The following RPL31 variants were observed in gnomAD, a reference collection of about 807,000 sequenced individuals.
RPL31 encodes ribosomal protein L31, also known as large ribosomal subunit protein eL31.
For missense variants in RPL31, 95 were observed against 164.0 expected, an observed-to-expected ratio of 0.58 and a Z score of 2.30; for synonymous variants, 51 against 55.0, an observed-to-expected ratio of 0.93 and a Z score of 0.32.
At chr2:101,012,982 A>G (rs1004388573) in intron 4 of RPL31, among the ~76,000 whole-genome samples, 9 of 152,242 alleles carry the variant, frequency 5.9e-5, no homozygotes, top group African/African-American at 2.2e-4. Flanking sequence ...GGCAGTCAGG[A>G]TGGAAATGGA....
At chr2:101,002,421 C>T in intron 1 of RPL31, 106 bp downstream of exon 1, 1 of 439,202 alleles carries the variant, frequency 2.3e-6, no homozygotes, top group South Asian at 2.7e-5. Context: ...CCCGGGGCTC[C>T]GGTTGTGGGG....
intron 4 of RPL31, among the ~76,000 whole-genome samples, chr2:101,016,231 AAAAC>A (rs1300081446): frequency 5.1e-4 from 77 of 152,364 alleles, no homozygotes; most frequent in Non-Finnish European, 7.3e-4. Flanking sequence ...TTACAAGAAA[AAAAC>A]AAACAACGCC....
chr2:101,002,852 T>A, intron 2 of RPL31, 44 bp downstream of exon 2: 1 of 1,436,426 alleles, frequency 7.0e-7, no homozygotes, highest in Non-Finnish European at 9.8e-7. Flanking sequence ...CTCACGCGTC[T>A]GGTTGTTACC....
At chr2:101,013,974 A>C (rs1679427686) in intron 4 of RPL31, among the ~76,000 whole-genome samples, 1 of 152,246 alleles carries the variant, frequency 6.6e-6, no homozygotes, top group Admixed American at 6.5e-5. Flanking sequence ...CAGAAATTCC[A>C]ATACAGCCAA....
intron 3 of RPL31, chr2:101,005,042 CAG>C (rs1281061872): frequency 1.4e-4 from 22 of 152,314 alleles, no homozygotes; most frequent in African/African-American, 5.3e-4. Flanking sequence ...ATGAACAAGA[CAG>C]GGACCTGAGA....
chr2:101,019,406 G>T, exon 5 of RPL31: 1 of 165,752 alleles, frequency 6.0e-6, no homozygotes, highest in Non-Finnish European at 1.3e-5. Context: ...TTAGAATTAA[G>T]TCTATTTAAA....
At chr2:101,013,576 G>A (rs1187108165) in intron 4 of RPL31, among the ~76,000 whole-genome samples, 1 of 152,218 alleles carries the variant, frequency 6.6e-6, no homozygotes, top group African/African-American at 2.4e-5. Context: ...TTTGAAGGTA[G>A]TAGGTAACTT....
intron 4 of RPL31, among the ~76,000 whole-genome samples, chr2:101,016,310 GAC>G (rs1326377577): frequency 1.3e-5 from 2 of 151,832 alleles, no homozygotes; most frequent in East Asian, 1.9e-4. Context: ...GCAGCCAAAA[GAC>G]ACATGAAAAA....
chr2:101,017,903 T>G, intron 4 of RPL31: 1 of 1,550,904 alleles, frequency 6.4e-7, no homozygotes, highest in South Asian at 1.2e-5. Flanking sequence ...TCACCATCAG[T>G]GAGAAACCGA....
At chr2:101,005,510 A>T (rs1395844888) in intron 3 of RPL31, 1 of 157,252 alleles carries the variant, frequency 6.4e-6, no homozygotes, top group East Asian at 1.9e-4. Context: ...GGGTTTTACC[A>T]TGTTGGCCAG....
downstream of RPL31, chr2:101,007,671 G>A (rs1182945126): frequency 1.4e-5 from 11 of 762,980 alleles, no homozygotes; most frequent in Admixed American, 1.6e-4. Flanking sequence ...GGGTTGTGTC[G>A]GTTCCCCTGG....
intron 4 of RPL31, among the ~76,000 whole-genome samples, chr2:101,016,589 A>T (rs1409292909): frequency 6.6e-6 from 1 of 152,138 alleles, no homozygotes; most frequent in African/African-American, 2.4e-5. Flanking sequence ...CACCCAAAGG[A>T]CTATAAATCA....
At chr2:101,004,034 T>A (rs909436673) in intron 2 of RPL31, 124 bp from the exon 3 acceptor site, 9 of 1,119,560 alleles carry the variant, frequency 8.0e-6, no homozygotes, top group Non-Finnish European at 1.0e-5. Context: ...AAACTTGGTT[T>A]TGTTACATAA....
At chr2:101,008,806 T>C (rs1022852477), downstream of RPL31, among the ~76,000 whole-genome samples, 6 of 144,428 alleles carry the variant, frequency 4.2e-5, no homozygotes, top group African/African-American at 1.0e-4. Flanking sequence ...AGTAAAACTT[T>C]GTCTTAAAAA....
At chr2:101,019,098 C>G in exon 5 of RPL31, 1 of 1,575,536 alleles carries the variant, frequency 6.3e-7, no homozygotes. Context: ...GCTTCCTGAG[C>G]TGCAGCAGAT....
At chr2:101,013,167 G>A (rs1250357985) in intron 4 of RPL31, among the ~76,000 whole-genome samples, 3 of 152,198 alleles carry the variant, frequency 2.0e-5, no homozygotes, top group Non-Finnish European at 4.4e-5. Context: ...AAGGAGCTGA[G>A]GGGCCAAACA....
chr2:101,008,325 T>C, downstream of RPL31: 2 of 854,154 alleles, frequency 2.3e-6, no homozygotes, highest in Non-Finnish European at 3.1e-6. Context: ...GGAAGTGTCA[T>C]TTTTTTTTTT....
At chr2:101,007,796 A>G (rs375440656), downstream of RPL31, 40 of 1,604,020 alleles carry the variant, frequency 2.5e-5, no homozygotes, top group African/African-American at 4.3e-4. Flanking sequence ...GGTGGACTCC[A>G]GTGTGCATAG....
At chr2:101,008,266 A>G, downstream of RPL31, 1 of 1,526,388 alleles carries the variant, frequency 6.6e-7, no homozygotes, top group Non-Finnish European at 8.8e-7. Flanking sequence ...GAACTGGATA[A>G]ATTCTCTCTG....
Sources: allele counts gnomAD v4.1 joint callset (sites outside exome capture counted in the v4.1 genomes callset), GRCh38; gene constraint gnomAD v4.1.1; transcripts MANE v1.5; gene names NCBI Gene and HGNC (gene_info 2026-07-23, HGNC 2026-07-21).